Variants in CLIP2 observed in about 807,000 individuals in gnomAD.
The protein encoded by CLIP2 is CAP-Gly domain containing linker protein 2.
Under a neutral mutation model 111.7 loss-of-function variants are expected in CLIP2, and 41 were observed. The observed-to-expected ratio is 0.37, with a 90% CI of 0.29 to 0.48. The LOEUF (loss-of-function observed/expected upper bound fraction) is 0.48, where lower values mean the gene tolerates loss of function less well. CLIP2 is among the 20% of genes least tolerant of loss of function. The probability of loss-of-function intolerance (pLI) is 0.99; values close to 1 mark genes in which losing one functional copy is unlikely to be tolerated. For missense variants in CLIP2, 1,160 were observed against 1,422.1 expected (o/e 0.82, Z 2.96); for synonymous variants, 660 against 644.2 (o/e 1.02, Z -0.37).
At position 74,389,143 on chromosome 7, in the gene CLIP2, C is replaced by T. The variant is rs542790637; in HGVS notation, c.2604C>T (p.Asp868=). Residue 868 remains aspartate, a synonymous_variant, in exon 13 of 17, where the codon GAC becomes GAT. Transcript: ENST00000223398. The part of the protein sequence containing the change: ...SKCKSGEKKV[D]ALLKEKRRLE... ...GTAAGTCAGGCGAGAAGAAGGTGGA[C>T]GCCCTCCTGAAGGAGAAGCGGCGCC... 88 of 1,613,432 alleles carry T rather than the reference C, an allele frequency of 5.5e-5. No homozygotes were observed. Among genetic ancestry groups the T allele is most frequent in the Middle Eastern group, 5.0e-4 (3 of 6,058 alleles).
At chr7:74,322,499 C>T (rs908336076) in intron 2 of CLIP2, among the ~76,000 whole-genome samples, 11 of 151,708 alleles carry the variant, frequency 7.3e-5, no homozygotes, top group Non-Finnish European at 1.6e-4. Flanking sequence ...TCCCAGCTAC[C>T]CAAGAGGCAG....
At chr7:74,302,678 G>T (rs1031036229) in intron 1 of CLIP2, among the ~76,000 whole-genome samples, 9 of 152,196 alleles carry the variant, frequency 5.9e-5, no homozygotes, top group Non-Finnish European at 1.2e-4. Flanking sequence ...CAGCCCAGGA[G>T]CCCAGAGCCC....
chr7:74,293,770 G>A (rs1788090698), intron 1 of CLIP2, among the ~76,000 whole-genome samples: 1 of 152,172 alleles, frequency 6.6e-6, no homozygotes, highest in Non-Finnish European at 1.5e-5. Context: ...GCACTGATCA[G>A]GCCAGTGTGG....
chr7:74,338,364 C>CA lies in CLIP2; in HGVS notation c.122-82dup. 1 of 1,429,408 alleles carries CA rather than the reference C, an allele frequency of 7.0e-7. No homozygotes were observed. The allele number at this position is 1,429,408 out of a possible 1,614,324, so 88.5% of individuals were successfully genotyped here. On this transcript the variant is annotated intron_variant, in intron 2 of 16. Coordinates refer to ENST00000223398, the MANE Select transcript of CLIP2 (RefSeq NM_003388.5). This position sits in a 1 kb window ranked among gnomAD's most constrained non-coding sequence, Gnocchi z 4.3. ...CCAAAAATACAAATCAGCCACCTCC[C>CA]AACCCTAGACTCTGTGCTCCTGGGG...
intron 10 of CLIP2, among the ~76,000 whole-genome samples, chr7:74,379,512 C>T (rs1790883353): frequency 6.6e-6 from 1 of 152,132 alleles, no homozygotes; most frequent in African/African-American, 2.4e-5. Flanking sequence ...CCTGTAATCC[C>T]AGCACTTTGG....
chr7:74,300,126 T>A (rs1788287611), intron 1 of CLIP2, among the ~76,000 whole-genome samples: 1 of 151,268 alleles, frequency 6.6e-6, no homozygotes, highest in Non-Finnish European at 1.5e-5. Context: ...AGCTGGGAAT[T>A]CAGGTATGCA....
chr7:74,398,586 C>T (rs1465295107), intron 14 of CLIP2, among the ~76,000 whole-genome samples: 4 of 152,320 alleles, frequency 2.6e-5, no homozygotes, highest in African/African-American at 9.6e-5. Context: ...CAGCCCTGGG[C>T]AAGGGGGTGG....
chr7:74,345,113 T>C (rs549365369), intron 3 of CLIP2, among the ~76,000 whole-genome samples: 1 of 152,346 alleles, frequency 6.6e-6, no homozygotes, highest in East Asian at 1.9e-4. Flanking sequence ...TTGTCTTTCA[T>C]GTGCCAGGCA....
intron 2 of CLIP2, among the ~76,000 whole-genome samples, chr7:74,327,530 C>T (rs1554730798): frequency 1.3e-5 from 2 of 152,214 alleles, no homozygotes; most frequent in African/African-American, 4.8e-5. Context: ...TTTCTCTTTC[C>T]TTTCCATACA....
chr7:74,293,863 C>T (rs1280154683), intron 1 of CLIP2, among the ~76,000 whole-genome samples: 1 of 151,866 alleles, frequency 6.6e-6, no homozygotes, highest in Non-Finnish European at 1.5e-5. Flanking sequence ...GAGGCTCTCT[C>T]CTTTCAGGAC....
In CLIP2 at chr7:74,289,487, G is replaced by T. The variant is rs1315254154; in HGVS notation, c.-315G>T. On this transcript the variant is annotated 5_prime_UTR_variant, in exon 1 of 17. Coordinates refer to ENST00000223398, the MANE Select transcript of CLIP2 (RefSeq NM_003388.5). ...CGGGCGCTCAGCTCGGCTCGGCCGC[G>T]GGGCGCGCAGGCGGCTGCTGGGCGG... The T allele has an allele frequency of 2.0e-5, 3 of 150,864 alleles. No homozygotes were observed. The highest frequency in any genetic ancestry group is 2.0e-4 in the Admixed American group (3 of 15,146). 9.3% of individuals were successfully genotyped at this position (150,864 alleles called of 1,614,324 possible).
intron 11 of CLIP2, among the ~76,000 whole-genome samples, chr7:74,384,205 CAACAA>C (rs564110971): frequency 3.3e-5 from 5 of 151,848 alleles, no homozygotes; most frequent in African/African-American, 1.2e-4. Flanking sequence ...ACAACAACGA[CAACAA>C]AACAAAACAA....
intron 10 of CLIP2, 144 bp from the exon 11 acceptor site, chr7:74,380,662 A>G: frequency 1.6e-6 from 1 of 629,502 alleles, no homozygotes; most frequent in South Asian, 2.4e-5. Flanking sequence ...ACTCCCTGCC[A>G]CCGCAGCAAG....
At chr7:74,326,377 G>A (rs10244368) in intron 2 of CLIP2, among the ~76,000 whole-genome samples, 1 of 152,108 alleles carries the variant, frequency 6.6e-6, no homozygotes, top group Non-Finnish European at 1.5e-5. Flanking sequence ...ACCAAGTCCA[G>A]TATCAGCCCC....
At chr7:74,402,745 G>T (rs1554317938) in intron 16 of CLIP2, among the ~76,000 whole-genome samples, 1 of 152,124 alleles carries the variant, frequency 6.6e-6, no homozygotes, top group South Asian at 2.1e-4. Flanking sequence ...AATCCCTGGA[G>T]CACAGATGCT....
At chr7:74,381,770 T>A (rs766435126) in intron 11 of CLIP2, 235 of 327,880 alleles carry the variant, frequency 7.2e-4, no homozygotes, top group Non-Finnish European at 3.4e-4. Flanking sequence ...TATTCCATTG[T>A]GTGGAGGTAC....
chr7:74,310,700 G>T (rs1170120091), intron 1 of CLIP2, among the ~76,000 whole-genome samples: 2 of 151,568 alleles, frequency 1.3e-5, no homozygotes, highest in Non-Finnish European at 2.9e-5. Flanking sequence ...TATATGGGAG[G>T]TGTATTTTTA....
chr7:74,290,226 C>T (rs1269029314), intron 1 of CLIP2, among the ~76,000 whole-genome samples: 3 of 152,216 alleles, frequency 2.0e-5, no homozygotes, highest in African/African-American at 4.8e-5. Flanking sequence ...GACTGCCCCC[C>T]TCTCCTCCCT....
At chr7:74,394,729 G>A (rs1791400398) in intron 13 of CLIP2, among the ~76,000 whole-genome samples, 2 of 152,220 alleles carry the variant, frequency 1.3e-5, no homozygotes, top group African/African-American at 2.4e-5. Context: ...AAACAGATGC[G>A]ATGAGGCAAT....
Sources: gnomAD v4.1 joint callset for allele counts (sites outside exome capture counted in the v4.1 genomes callset) on GRCh38, gnomAD v4.1.1 for gene constraint, Gnocchi (gnomAD v3.1) non-coding constraint, MANE v1.5 for transcripts, NCBI Gene and HGNC (gene_info 2026-07-23, HGNC 2026-07-21) for gene names.